Variants in TFAP2D observed in about 807,000 individuals in gnomAD.
TFAP2D encodes transcription factor AP-2-delta.
In TFAP2D, 9 loss-of-function variants were observed where a neutral mutation model predicts 43.6. The observed-to-expected ratio is 0.21, with a 90% CI of 0.12 to 0.36. The LOEUF (loss-of-function observed/expected upper bound fraction) is 0.36. Among genes scored for constraint, TFAP2D ranks in the 10% least tolerant of loss-of-function variants. The pLI is 1.00. For synonymous variants in TFAP2D, 256 were observed against 224.9 expected, an observed-to-expected ratio of 1.14 and a Z score of -1.24; for missense variants, 513 against 561.4, an observed-to-expected ratio of 0.91 and a Z score of 0.87.
intron 5 of TFAP2D, among the ~76,000 whole-genome samples, chr6:50,739,621 A>ACTC: frequency 1.3e-5 from 2 of 152,134 alleles, no homozygotes; most frequent in South Asian, 4.1e-4. Flanking sequence ...ATAGAGGGAT[A>ACTC]TACTCTATTT....
At chr6:50,749,682 G>A (rs1769173086) in intron 6 of TFAP2D, among the ~76,000 whole-genome samples, 1 of 151,964 alleles carries the variant, frequency 6.6e-6, no homozygotes. Context: ...TGCATTCATT[G>A]ATTAAAATAT....
rs767647706 is a variant in TFAP2D, at chr6:50,751,234, A to C, written c.1049A>C (p.Asp350Ala). 7.5e-6 allele frequency: 12 copies of C among 1,610,464 alleles called. No individual in the cohort carries two copies. In the South Asian group the frequency reaches 1.3e-4, roughly 18 times the overall value. ...AGACAAATCTGTAAAGAATTCCAAG[A>C]CCTCTTGAGCCAAGATAGATCACCA... ...ATKQICKEFQ[D>A]LLSQDRSPLG... Residue 350 changes from aspartate (D) to alanine (A), a missense_variant, in exon 7 of 8, where the codon GAC becomes GCC. By Grantham distance (126) the Asp-to-Ala change is moderately radical. Around this residue, in one of 3 missense-constraint regions of TFAP2D, gnomAD observed 199 missense variants for 227.9 expected, o/e 0.87. Transcript: ENST00000008391.
intron 5 of TFAP2D, among the ~76,000 whole-genome samples, chr6:50,729,867 A>T (rs1172144802): frequency 1.3e-5 from 2 of 152,292 alleles, no homozygotes; most frequent in African/African-American, 2.4e-5. Context: ...TAGTATAGAA[A>T]GAGAAATGGA....
Position 50,772,974 on chromosome 6 carries a change from C to A in TFAP2D, c.*110C>A. Reference sequence around the variant, plus strand: ...AGTGGACCAAATCTCTACCCTTCCCCAACCCTCCATAAAAAAACAAAAATG... The same window carrying A: ...AGTGGACCAAATCTCTACCCTTCCCAAACCCTCCATAAAAAAACAAAAATG... On this transcript the variant is annotated 3_prime_UTR_variant, in exon 8 of 8. Coordinates refer to ENST00000008391, the MANE Select transcript of TFAP2D (RefSeq NM_172238.4). The A allele has an allele frequency of 2.1e-6, 2 of 934,740 alleles. No individual in the cohort carries two copies. Among genetic ancestry groups the A allele is most frequent in the Non-Finnish European group, 3.0e-6 (2 of 675,816 alleles). 57.9% of individuals were successfully genotyped at this position (934,740 alleles called of 1,614,324 possible).
intron 7 of TFAP2D, among the ~76,000 whole-genome samples, chr6:50,758,537 A>G (rs1171014762): frequency 6.6e-6 from 1 of 151,852 alleles, no homozygotes; most frequent in Non-Finnish European, 1.5e-5. Flanking sequence ...CATTTCCTTC[A>G]GGGTTCCACA....
At chr6:50,721,311 A>G (rs967575044) in intron 3 of TFAP2D, among the ~76,000 whole-genome samples, 2 of 152,202 alleles carry the variant, frequency 1.3e-5, no homozygotes, top group African/African-American at 4.8e-5. Flanking sequence ...ACCCCTCTTC[A>G]TAGGAATTCA....
At chr6:50,715,003 C>G (rs1036285310) in intron 1 of TFAP2D, 113 bp from the exon 2 acceptor site, 1 of 1,412,286 alleles carries the variant, frequency 7.1e-7, no homozygotes, top group Non-Finnish European at 9.5e-7. Flanking sequence ...CCTACGCGCT[C>G]GCTTTCCTTG....
At chr6:50,735,148 T>C (rs1401299817) in intron 5 of TFAP2D, among the ~76,000 whole-genome samples, 3 of 152,142 alleles carry the variant, frequency 2.0e-5, no homozygotes, top group African/African-American at 7.2e-5. Flanking sequence ...AAAGTCATTA[T>C]TCTCAAATGA....
At chr6:50,760,439 A>C (rs530406761) in intron 7 of TFAP2D, among the ~76,000 whole-genome samples, 1 of 152,142 alleles carries the variant, frequency 6.6e-6, no homozygotes, top group African/African-American at 2.4e-5. Flanking sequence ...TTTTGAAATA[A>C]GCTTTGTGAG....
intron 6 of TFAP2D, among the ~76,000 whole-genome samples, chr6:50,748,325 C>T (rs1227750124): frequency 2.0e-5 from 3 of 151,834 alleles, no homozygotes; most frequent in African/African-American, 7.2e-5. Context: ...TATTAAGTAG[C>T]CTATATGGAT....
At chr6:50,735,732 A>C (rs891032494) in intron 5 of TFAP2D, among the ~76,000 whole-genome samples, 2 of 152,172 alleles carry the variant, frequency 1.3e-5, no homozygotes, top group African/African-American at 2.4e-5. Context: ...TTCTACCTTT[A>C]ATCTTGAGCC....
At chr6:50,721,951 T>C (rs1381907788) in intron 3 of TFAP2D, among the ~76,000 whole-genome samples, 1 of 152,240 alleles carries the variant, frequency 6.6e-6, no homozygotes, top group Admixed American at 6.5e-5. Flanking sequence ...AGGGACATTG[T>C]CCTGGTTTGC....
intron 7 of TFAP2D, among the ~76,000 whole-genome samples, chr6:50,771,284 C>T (rs577207216): frequency 4.9e-4 from 74 of 152,238 alleles, no homozygotes; most frequent in South Asian, 1.0e-3. Context: ...GCCACCTAAG[C>T]GATTATCTAC....
chr6:50,738,317 T>C (rs965842317), intron 5 of TFAP2D, among the ~76,000 whole-genome samples: 3 of 151,842 alleles, frequency 2.0e-5, no homozygotes, highest in Non-Finnish European at 4.4e-5. Context: ...CTTTCATTTT[T>C]CAGTTGGCTG....
At chr6:50,745,325 A>C (rs1056605174) in intron 6 of TFAP2D, 77 bp downstream of exon 6, 16 of 1,578,110 alleles carry the variant, frequency 1.0e-5, no homozygotes, top group Non-Finnish European at 1.4e-5. Flanking sequence ...TGAGGAAAAC[A>C]GTCTAGAAGG....
chr6:50,730,197 A>G (rs1193126717), intron 5 of TFAP2D, among the ~76,000 whole-genome samples: 1 of 152,152 alleles, frequency 6.6e-6, no homozygotes, highest in African/African-American at 2.4e-5. Flanking sequence ...ACAAAACCAA[A>G]CATCTATACT....
In TFAP2D at chr6:50,713,820, T is replaced by G; in HGVS notation, c.-236T>G. The G allele has an allele frequency of 3.4e-6, 2 of 595,166 alleles. No homozygotes were observed. Among genetic ancestry groups the G allele is most frequent in the South Asian group, 4.2e-5 (2 of 47,410 alleles). 36.9% of individuals were successfully genotyped at this position (595,166 alleles called of 1,614,324 possible). On this transcript the variant is annotated 5_prime_UTR_variant, in exon 1 of 8. Transcript: ENST00000008391. ...AAAGAAATACTCAGCAAGTACAAAATCTGTTCCAGGGAGCTGCTTTTGTGC... is the reference window on the plus strand; with the variant it reads ...AAAGAAATACTCAGCAAGTACAAAAGCTGTTCCAGGGAGCTGCTTTTGTGC...
chr6:50,748,368 C>T (rs1769154198), intron 6 of TFAP2D, among the ~76,000 whole-genome samples: 1 of 151,892 alleles, frequency 6.6e-6, no homozygotes, highest in Non-Finnish European at 1.5e-5. Flanking sequence ...CACCTTTATT[C>T]ATAAGACTTG....
At chr6:50,737,309 G>T (rs972817931) in intron 5 of TFAP2D, among the ~76,000 whole-genome samples, 2 of 152,124 alleles carry the variant, frequency 1.3e-5, no homozygotes, top group African/African-American at 4.8e-5. Flanking sequence ...TAATCAAATT[G>T]CAGGCTGTAA....
Sources: allele counts gnomAD v4.1 joint callset (sites outside exome capture counted in the v4.1 genomes callset), GRCh38; gene constraint gnomAD v4.1.1; regional missense constraint gnomAD v4.1.1; transcripts MANE v1.5; gene names NCBI Gene and HGNC (gene_info 2026-07-23, HGNC 2026-07-21).